WWC1: variants seen among roughly 807,000 people sequenced by gnomAD.
WWC1 encodes WW and C2 domain containing 1, also known as protein KIBRA.
Under a neutral mutation model 138.4 loss-of-function variants are expected in WWC1, and 55 were observed. That is an observed-to-expected ratio of 0.40 (90% CI 0.32 to 0.50). The LOEUF (loss-of-function observed/expected upper bound fraction) is 0.50, where lower values mean the gene tolerates loss of function less well. Among genes scored for constraint, WWC1 ranks in the 20% least tolerant of loss-of-function variants. The pLI, the probability that WWC1 is intolerant of heterozygous loss-of-function variation, is 0.72. For synonymous variants in WWC1, 524 were observed against 564.9 expected, an observed-to-expected ratio of 0.93 and a Z score of 1.03; for missense variants, 1,226 against 1,420.4, an observed-to-expected ratio of 0.86 and a Z score of 2.20.
At chr5:168,334,342 C>T (rs1460327894) in intron 1 of WWC1, among the ~76,000 whole-genome samples, 1 of 152,088 alleles carries the variant, frequency 6.6e-6, no homozygotes, top group Admixed American at 6.6e-5. Context: ...GTTTCTCTGC[C>T]CCACCCCCAC....
At position 168,426,122 on chromosome 5, in the gene WWC1, T is replaced by C. The variant is rs186869724; in HGVS notation, c.1811-1911T>C. 4.5e-3 allele frequency among the ~76,000 whole-genome samples: 691 copies of C among 152,256 alleles called. 3 individuals carry two copies. Among genetic ancestry groups the C allele is most frequent in the African/African-American group, 0.016 (667 of 41,554 alleles). On this transcript the variant is annotated intron_variant, in intron 11 of 22. Transcript: ENST00000265293. Reference sequence around the variant, plus strand: ...ATGGTAGGGAAATGAGGTTTCCTTGTTAACGAAAGGCTTTGAGTGCCAGTG... The same window carrying C: ...ATGGTAGGGAAATGAGGTTTCCTTGCTAACGAAAGGCTTTGAGTGCCAGTG...
intron 1 of WWC1, among the ~76,000 whole-genome samples, chr5:168,303,699 T>G (rs1431685656): frequency 6.6e-6 from 1 of 152,124 alleles, no homozygotes; most frequent in Non-Finnish European, 1.5e-5. Flanking sequence ...GTATAGAATT[T>G]GTATTTTCAT....
At chr5:168,339,806 T>TTGTTTG (rs71310059) in intron 1 of WWC1, among the ~76,000 whole-genome samples, 90 of 142,718 alleles carry the variant, frequency 6.3e-4, no homozygotes, top group African/African-American at 1.9e-3. Flanking sequence ...TTCTTTTTGT[T>TTGTTTG]TTTCTTTCTT....
intron 2 of WWC1, among the ~76,000 whole-genome samples, chr5:168,384,598 T>C (rs941254566): frequency 1.2e-4 from 19 of 152,322 alleles, no homozygotes; most frequent in Admixed American, 2.0e-4. Flanking sequence ...GGAGATTACC[T>C]TGAGCATCTC....
At chr5:168,301,342 A>G (rs1048631900) in intron 1 of WWC1, among the ~76,000 whole-genome samples, 1 of 152,212 alleles carries the variant, frequency 6.6e-6, no homozygotes, top group Non-Finnish European at 1.5e-5. Context: ...GTCACTTTAA[A>G]ATAGTAAGTG....
chr5:168,443,513 G>T (rs1467085975), intron 16 of WWC1, among the ~76,000 whole-genome samples: 1 of 152,104 alleles, frequency 6.6e-6, no homozygotes, highest in African/African-American at 2.4e-5. Context: ...AGCTGATAAA[G>T]GTCTCGAAAA....
At chr5:168,402,987 C>G (rs1185794921) in intron 5 of WWC1, among the ~76,000 whole-genome samples, 2 of 149,298 alleles carry the variant, frequency 1.3e-5, no homozygotes, top group East Asian at 2.0e-4. Flanking sequence ...CTTTAGCAGC[C>G]AAAAGCTCTG....
intron 1 of WWC1, among the ~76,000 whole-genome samples, chr5:168,339,670 G>A (rs1262556843): frequency 2.6e-5 from 4 of 152,158 alleles, no homozygotes; most frequent in African/African-American, 9.7e-5. Flanking sequence ...TAACTTAGCA[G>A]ACTATCCAGC....
At chr5:168,382,324 A>C (rs1777699936) in intron 2 of WWC1, among the ~76,000 whole-genome samples, 1 of 152,232 alleles carries the variant, frequency 6.6e-6, no homozygotes. Flanking sequence ...ATGTATAATC[A>C]GAAGGCAGTA....
intron 1 of WWC1, among the ~76,000 whole-genome samples, chr5:168,353,922 G>A (rs950813776): frequency 6.6e-6 from 1 of 152,218 alleles, no homozygotes; most frequent in Non-Finnish European, 1.5e-5. Context: ...GATCATGGAT[G>A]AATGAATAGT....
chr5:168,339,677 C>T (rs1446778673), intron 1 of WWC1, among the ~76,000 whole-genome samples: 1 of 152,138 alleles, frequency 6.6e-6, no homozygotes, highest in Non-Finnish European at 1.5e-5. Flanking sequence ...GCAGACTATC[C>T]AGCACATAGT....
At chr5:168,413,338 C>T (rs1388957861) in intron 8 of WWC1, among the ~76,000 whole-genome samples, 1 of 152,152 alleles carries the variant, frequency 6.6e-6, no homozygotes, top group Admixed American at 6.5e-5. Flanking sequence ...CTATTTGTAG[C>T]AGTATTCATT....
chr5:168,433,511 G>A (rs973703116), intron 15 of WWC1, among the ~76,000 whole-genome samples: 2 of 152,138 alleles, frequency 1.3e-5, no homozygotes, highest in African/African-American at 4.8e-5. Context: ...AGTTTATATG[G>A]CAGGCACTGA....
chr5:168,463,772 C>A (rs1377591794), intron 20 of WWC1, among the ~76,000 whole-genome samples: 1 of 152,128 alleles, frequency 6.6e-6, no homozygotes, highest in Non-Finnish European at 1.5e-5. Context: ...TGTTGGACTA[C>A]CTTCAGGCAT....
At chr5:168,449,358 T>TCCACAAATAGCC (rs1255263037) in intron 17 of WWC1, among the ~76,000 whole-genome samples, 1 of 152,178 alleles carries the variant, frequency 6.6e-6, no homozygotes, top group Non-Finnish European at 1.5e-5. Flanking sequence ...CAATCCTGGC[T>TCCACAAATAGCC]CCACAACTAG....
intron 9 of WWC1, among the ~76,000 whole-genome samples, chr5:168,417,815 T>C (rs1780773123): frequency 6.6e-6 from 1 of 152,170 alleles, no homozygotes; most frequent in South Asian, 2.1e-4. Context: ...CAGCCATGTA[T>C]GCCCTAAGAG....
chr5:168,440,505 T>G (rs962277174), intron 15 of WWC1, among the ~76,000 whole-genome samples: 2 of 151,650 alleles, frequency 1.3e-5, no homozygotes, highest in Non-Finnish European at 2.9e-5. Context: ...GTTGTTGTTG[T>G]TGTTGTTGTT....
At chr5:168,410,087 C>T (rs573919458) in intron 8 of WWC1, 92 bp downstream of exon 8, 34 of 1,226,806 alleles carry the variant, frequency 2.8e-5, no homozygotes, top group South Asian at 8.5e-5. Context: ...TCACACACTT[C>T]GTCTTCTTTA....
intron 1 of WWC1, among the ~76,000 whole-genome samples, chr5:168,304,900 A>G (rs1390918085): frequency 6.7e-6 from 1 of 150,294 alleles, no homozygotes; most frequent in African/African-American, 2.5e-5. Flanking sequence ...ACTTCAGTTC[A>G]CCGCAACATT....
Sources: gnomAD v4.1 joint callset for allele counts (sites outside exome capture counted in the v4.1 genomes callset) on GRCh38, gnomAD v4.1.1 for gene constraint, MANE v1.5 for transcripts, NCBI Gene and HGNC (gene_info 2026-07-23, HGNC 2026-07-21) for gene names.